Variants in GRM8 observed in about 807,000 individuals in gnomAD.
The protein encoded by GRM8 is glutamate metabotropic receptor 8, also known as metabotropic glutamate receptor 8.
Under a neutral mutation model 87.2 loss-of-function variants are expected in GRM8, and 47 were observed. The observed-to-expected ratio is 0.54, with a 90% CI of 0.43 to 0.69. The LOEUF is 0.69. GRM8 is among the 30% of genes least tolerant of loss of function. The pLI is 0.00. For missense variants in GRM8, 1,019 were observed against 1,139.2 expected (o/e 0.89, Z 1.52); for synonymous variants, 396 against 404.5 (o/e 0.98, Z 0.25).
intron 7 of GRM8, among the ~76,000 whole-genome samples, chr7:126,736,502 T>C (rs1347409202): frequency 6.6e-6 from 1 of 152,022 alleles, no homozygotes; most frequent in Non-Finnish European, 1.5e-5. Context: ...GTTATGTCAA[T>C]GTTATGACAT....
At chr7:127,164,437 G>A (rs1408384208) in intron 2 of GRM8, among the ~76,000 whole-genome samples, 1 of 152,120 alleles carries the variant, frequency 6.6e-6, no homozygotes, top group Non-Finnish European at 1.5e-5. Context: ...TGTGTTTGTG[G>A]TCCTTTCTGA....
chr7:126,581,432 C>A (rs149557720), intron 8 of GRM8, among the ~76,000 whole-genome samples: 52 of 152,170 alleles, frequency 3.4e-4, no homozygotes, highest in African/African-American at 1.2e-3. Flanking sequence ...GCTTAACGTA[C>A]AAATTTGTGA....
intron 2 of GRM8, chr7:127,228,673 A>C (rs763089428): frequency 6.6e-6 from 1 of 152,158 alleles, no homozygotes; most frequent in Non-Finnish European, 1.5e-5. Context: ...TAAAAAAAAA[A>C]CTATTTAGTG....
chr7:127,030,257 G>A (rs1241292835), intron 3 of GRM8, among the ~76,000 whole-genome samples: 1 of 152,000 alleles, frequency 6.6e-6, no homozygotes, highest in Non-Finnish European at 1.5e-5. Context: ...CCTCATGGGA[G>A]GAAAGGGGAT....
intron 2 of GRM8, among the ~76,000 whole-genome samples, chr7:127,181,153 A>G (rs1294640408): frequency 6.6e-6 from 1 of 152,114 alleles, no homozygotes; most frequent in Non-Finnish European, 1.5e-5. Context: ...AAGTTTCCAC[A>G]TACAAGATTA....
chr7:127,061,790 T>A (rs1820617238), intron 3 of GRM8, among the ~76,000 whole-genome samples: 1 of 152,208 alleles, frequency 6.6e-6, no homozygotes, highest in African/African-American at 2.4e-5. Context: ...ATGCTAAAGT[T>A]GGGAAGGATA....
At chr7:126,522,746 G>A (rs907234581) in intron 9 of GRM8, among the ~76,000 whole-genome samples, 1 of 151,906 alleles carries the variant, frequency 6.6e-6, no homozygotes, top group Non-Finnish European at 1.5e-5. Flanking sequence ...CCCTCTTTTA[G>A]GCCTTTTTAA....
chr7:127,122,558 T>G (rs1827147108), intron 2 of GRM8, among the ~76,000 whole-genome samples: 1 of 151,084 alleles, frequency 6.6e-6, no homozygotes, highest in Non-Finnish European at 1.5e-5. Flanking sequence ...TCAAATTTGA[T>G]GAGACATACA....
At chr7:126,801,543 TA>T (rs1822697549) in intron 6 of GRM8, among the ~76,000 whole-genome samples, 6 of 67,910 alleles carry the variant, frequency 8.8e-5, no homozygotes, top group Admixed American at 3.3e-4. Context: ...ACCAAAATAG[TA>T]TTACTATGTG....
intron 7 of GRM8, among the ~76,000 whole-genome samples, chr7:126,670,643 A>C (rs1003606205): frequency 6.6e-6 from 1 of 152,206 alleles, no homozygotes; most frequent in Non-Finnish European, 1.5e-5. Context: ...TGATAACTTT[A>C]GAGACTGTAA....
intron 7 of GRM8, among the ~76,000 whole-genome samples, chr7:126,766,003 TTGAC>T (rs1818154653): frequency 6.6e-6 from 1 of 152,154 alleles, no homozygotes; most frequent in Non-Finnish European, 1.5e-5. Flanking sequence ...GTTCAGCAGT[TTGAC>T]TGAATATTCC....
chr7:126,867,517 G>A (rs1798706270), intron 6 of GRM8, among the ~76,000 whole-genome samples: 1 of 152,252 alleles, frequency 6.6e-6, no homozygotes, highest in East Asian at 1.9e-4. Flanking sequence ...AGAAGAAAAA[G>A]CAGAGGTGCT....
intron 9 of GRM8, among the ~76,000 whole-genome samples, chr7:126,472,014 T>C (rs1805325114): frequency 1.3e-5 from 2 of 152,294 alleles, no homozygotes; most frequent in Middle Eastern, 3.4e-3. Flanking sequence ...ATAAGAATGC[T>C]TGTGATTTTT....
At chr7:126,734,532 C>A (rs998947430) in intron 7 of GRM8, among the ~76,000 whole-genome samples, 2 of 151,246 alleles carry the variant, frequency 1.3e-5, no homozygotes, top group African/African-American at 4.8e-5. Context: ...ATTAAAATGG[C>A]CTTCCACATC....
chr7:126,801,500 G>T (rs1262995183), intron 6 of GRM8, among the ~76,000 whole-genome samples: 1 of 152,134 alleles, frequency 6.6e-6, no homozygotes, highest in Non-Finnish European at 1.5e-5. Flanking sequence ...TGGGTAAAAT[G>T]AAAATGATGA....
chr7:126,591,822 A>T (rs1562986662), intron 8 of GRM8, among the ~76,000 whole-genome samples: 1 of 151,798 alleles, frequency 6.6e-6, no homozygotes, highest in Non-Finnish European at 1.5e-5. Flanking sequence ...CTCACTAGAA[A>T]AGATCAACAA....
At chr7:126,865,645 C>T (rs1798531911) in intron 6 of GRM8, among the ~76,000 whole-genome samples, 1 of 152,212 alleles carries the variant, frequency 6.6e-6, no homozygotes, top group Non-Finnish European at 1.5e-5. Flanking sequence ...TTTATAGATG[C>T]ACCCATTCTG....
chr7:127,130,108 T>TC (rs1322918274), intron 2 of GRM8, among the ~76,000 whole-genome samples: 5 of 152,198 alleles, frequency 3.3e-5, no homozygotes, highest in Non-Finnish European at 7.4e-5. Context: ...TGACATGCCT[T>TC]CCTTCCCCTC....
intron 6 of GRM8, among the ~76,000 whole-genome samples, chr7:126,885,687 A>T (rs1316712637): frequency 6.6e-6 from 1 of 152,188 alleles, no homozygotes; most frequent in Non-Finnish European, 1.5e-5. Flanking sequence ...AATTAGGTTT[A>T]AATGATTCCA....
Sources: gnomAD v4.1 joint callset for allele counts (sites outside exome capture counted in the v4.1 genomes callset) on GRCh38, gnomAD v4.1.1 for gene constraint, MANE v1.5 for transcripts, NCBI Gene and HGNC (gene_info 2026-07-23, HGNC 2026-07-21) for gene names.